The following TRPM7 variants were observed in gnomAD, a reference collection of about 807,000 sequenced individuals.
TRPM7 encodes transient receptor potential cation channel subfamily M member 7, also known as LTRPC ion channel family member 7.
Under a neutral mutation model 229.7 loss-of-function variants are expected in TRPM7, and 134 were observed. The ratio of observed to expected loss-of-function variants is 0.58; its 90% CI spans 0.51 to 0.67. The LOEUF (loss-of-function observed/expected upper bound fraction) is 0.67, where lower values mean the gene tolerates loss of function less well. Ranked by LOEUF, TRPM7 falls within the 30% of genes least tolerant of loss-of-function variation. The pLI is 0.00. For synonymous variants in TRPM7, 699 were observed against 715.2 expected (o/e 0.98, Z 0.36); for missense variants, 1,901 against 2,210.0 (o/e 0.86, Z 2.80).
chr15:50,627,308 TA>T (rs2060590577), intron 11 of TRPM7, among the ~76,000 whole-genome samples: 2 of 152,070 alleles, frequency 1.3e-5, no homozygotes, highest in Non-Finnish European at 1.5e-5. Flanking sequence ...AATGCTGGTT[TA>T]GGGGGATGCT....
At chr15:50,629,971 T>C (rs1483475759) in intron 10 of TRPM7, among the ~76,000 whole-genome samples, 2 of 150,596 alleles carry the variant, frequency 1.3e-5, no homozygotes, top group African/African-American at 4.9e-5. Flanking sequence ...AAGCAATTCT[T>C]GTGCCTCAGC....
chr15:50,605,188 C>A, intron 20 of TRPM7, 44 bp from the exon 21 acceptor site: 1 of 1,454,004 alleles, frequency 6.9e-7, no homozygotes, highest in South Asian at 1.4e-5. Flanking sequence ...TCAGTTTATT[C>A]CTATTAAAAC....
intron 28 of TRPM7, among the ~76,000 whole-genome samples, chr15:50,583,574 A>ATT: frequency 9.6e-6 from 1 of 103,646 alleles, no homozygotes; most frequent in Non-Finnish European, 2.0e-5. Flanking sequence ...TTAAGCTTAG[A>ATT]GTTTTGTTTT....
rs775566007 is a variant in TRPM7 at position 50,559,603 on chromosome 15, G to GT, written c.*2074dup. The stretch of plus-strand genomic sequence containing the variant: ...CGTTGCTACTTATTATTAAATAAAC[G>GT]TAAGAATCTTATGGACGTTACTTTA... On this transcript the variant is annotated 3_prime_UTR_variant, in exon 39 of 39. Coordinates refer to ENST00000646667, the MANE Select transcript of TRPM7 (RefSeq NM_017672.6). 3.9e-5 allele frequency: 6 copies of GT among 152,116 alleles called. No homozygotes were observed. The highest frequency in any genetic ancestry group is 8.8e-5 in the Non-Finnish European group (6 of 68,038). The allele number at this position is 152,116 out of a possible 1,614,324, so 9.4% of individuals were successfully genotyped here. A position where few individuals can be genotyped will look rare whatever the true frequency, so the allele number is the denominator to read the frequency against.
chr15:50,669,724 A>G lies in TRPM7; in HGVS notation c.4-6678T>C, dbSNP rs1050024806. Among the ~76,000 whole-genome samples, 4 of 152,036 alleles carry G rather than the reference A, an allele frequency of 2.6e-5. No individual in the cohort carries two copies. The East Asian group carries it at 7.7e-4, about 29-fold the overall frequency. ...CAGTTGTTTGAGTTTTTTTCCTGCA[A>G]TTTAGGCTGACCTTGCTTTCTCCTG... On this transcript the variant is annotated intron_variant, in intron 1 of 38. Transcript: ENST00000646667.
chr15:50,602,880 C>T (rs1171267669), intron 21 of TRPM7, among the ~76,000 whole-genome samples: 3 of 152,130 alleles, frequency 2.0e-5, no homozygotes. Context: ...GAGGGTGGTT[C>T]TAGAGAAGAT....
intron 38 of TRPM7, among the ~76,000 whole-genome samples, chr15:50,569,389 C>A (rs545957853): frequency 6.6e-6 from 1 of 152,156 alleles, no homozygotes; most frequent in Admixed American, 6.5e-5. Flanking sequence ...TTTCTCAATT[C>A]TTCTGCAAGG....
chr15:50,625,581 TTTTTTC>T (rs1315898088), intron 11 of TRPM7, among the ~76,000 whole-genome samples: 1 of 152,048 alleles, frequency 6.6e-6, no homozygotes. Context: ...TGTACCTGCC[TTTTTTC>T]TTTTTCTTTA....
chr15:50,634,372 A>T lies in TRPM7; in HGVS notation c.1007+10T>A. The T allele has an allele frequency of 2.0e-6, 3 of 1,524,028 alleles. No homozygotes were observed. The allele number at this position is 1,524,028 out of a possible 1,614,324, so 94.4% of individuals were successfully genotyped here. On this transcript the variant is annotated intron_variant, in intron 8 of 38. Coordinates refer to ENST00000646667, the MANE Select transcript of TRPM7 (RefSeq NM_017672.6). Reference sequence around the variant, plus strand: ...AAATAAAATTAATTAAAATGTTGTCATACACTTACCCTCCTTCTTCTGTTT... The same window carrying T: ...AAATAAAATTAATTAAAATGTTGTCTTACACTTACCCTCCTTCTTCTGTTT...
chr15:50,631,795 A>G (rs1308143816), intron 9 of TRPM7, among the ~76,000 whole-genome samples: 1 of 152,178 alleles, frequency 6.6e-6, no homozygotes, highest in Non-Finnish European at 1.5e-5. Flanking sequence ...GTCCCTTACT[A>G]GAGTAAGAAA....
intron 7 of TRPM7, among the ~76,000 whole-genome samples, chr15:50,635,518 C>T (rs564912238): frequency 2.6e-4 from 40 of 150,958 alleles, no homozygotes; most frequent in African/African-American, 9.0e-4. Flanking sequence ...AAAAAAGTAG[C>T]CGGGCATGGT....
intron 1 of TRPM7, among the ~76,000 whole-genome samples, chr15:50,683,136 C>G (rs2062278954): frequency 6.6e-6 from 1 of 151,814 alleles, no homozygotes; most frequent in Non-Finnish European, 1.5e-5. Flanking sequence ...GATCCACCCG[C>G]CTCAGTCTCT....
At chr15:50,630,496 T>C (rs535170547) in intron 10 of TRPM7, among the ~76,000 whole-genome samples, 1 of 151,676 alleles carries the variant, frequency 6.6e-6, no homozygotes, top group South Asian at 2.1e-4. Context: ...TGGATGTCTT[T>C]GGGGAGACAA....
At chr15:50,566,861 G>A (rs974007378) in intron 38 of TRPM7, among the ~76,000 whole-genome samples, 1 of 151,800 alleles carries the variant, frequency 6.6e-6, no homozygotes, top group African/African-American at 2.4e-5. Context: ...CAATGACAAC[G>A]AAAACTGATT....
chr15:50,631,400 A>C lies in TRPM7; in HGVS notation c.1204+17T>G, dbSNP rs770614668. The C allele has an allele frequency of 1.3e-6, 2 of 1,560,192 alleles. No homozygotes were observed. Among genetic ancestry groups the C allele is most frequent in the Non-Finnish European group, 1.8e-6 (2 of 1,137,842 alleles). ...AAATAAAAGGTCTTACAAATAAAAAAGTTCTTAGAGGCTTACCTTTTAGCA... is the reference window on the plus strand; with the variant it reads ...AAATAAAAGGTCTTACAAATAAAAACGTTCTTAGAGGCTTACCTTTTAGCA... On this transcript the variant is annotated intron_variant, in intron 10 of 38. Coordinates refer to ENST00000646667, the MANE Select transcript of TRPM7 (RefSeq NM_017672.6).
At chr15:50,567,684 T>C (rs1260002352) in intron 38 of TRPM7, among the ~76,000 whole-genome samples, 1 of 152,062 alleles carries the variant, frequency 6.6e-6, no homozygotes, top group African/African-American at 2.4e-5. Context: ...TCAATCGATG[T>C]AATACACTAT....
intron 7 of TRPM7, 56 bp from the exon 8 acceptor site, chr15:50,634,612 C>T (rs1292329821): frequency 1.6e-6 from 2 of 1,264,280 alleles, no homozygotes; most frequent in Non-Finnish European, 2.0e-6. Flanking sequence ...AGTTTCTCTC[C>T]AAGAAAAAAA....
At chr15:50,657,417 T>C (rs550746716) in intron 3 of TRPM7, among the ~76,000 whole-genome samples, 16 of 152,340 alleles carry the variant, frequency 1.1e-4, no homozygotes, top group Admixed American at 9.8e-4. Context: ...AAAAGCCTTG[T>C]AGAGTAACTG....
chr15:50,623,727 CA>C (rs1459266342), intron 12 of TRPM7, among the ~76,000 whole-genome samples: 4 of 137,542 alleles, frequency 2.9e-5, no homozygotes, highest in African/African-American at 1.1e-4. Flanking sequence ...GAGTCCTTTA[CA>C]AAAAAAATGA....
Sources: gnomAD v4.1 joint callset for allele counts (sites outside exome capture counted in the v4.1 genomes callset) on GRCh38, gnomAD v4.1.1 for gene constraint, MANE v1.5 for transcripts, NCBI Gene and HGNC (gene_info 2026-07-23, HGNC 2026-07-21) for gene names.